The following DMD variants were observed in gnomAD, a reference collection of about 807,000 sequenced individuals.
DMD encodes mutant dystrophin.
In DMD, 63 loss-of-function variants were observed where a neutral mutation model predicts 330.1. The ratio of observed to expected loss-of-function variants is 0.19; its 90% CI spans 0.16 to 0.24. The LOEUF is 0.24. Ranked by LOEUF, DMD falls within the 10% of genes least tolerant of loss-of-function variation. The pLI is 1.00. For missense variants in DMD, 3,344 were observed against 2,684.1 expected, an observed-to-expected ratio of 1.25 and a Z score of -5.43; for synonymous variants, 1,223 against 959.8, an observed-to-expected ratio of 1.27 and a Z score of -5.07.
intron 1 of DMD, among the ~76,000 whole-genome samples, chrX:33,035,645 C>T (rs770022244): frequency 9.2e-4 from 103 of 111,712 alleles, no homozygotes; most frequent in African/African-American, 3.1e-3. Flanking sequence ...ATGCCTTAAT[C>T]GGACACATAT....
chrX:32,125,682 T>G (rs2096658405), intron 44 of DMD, among the ~76,000 whole-genome samples: 1 of 112,005 alleles, frequency 8.9e-6, no homozygotes, highest in Non-Finnish European at 1.9e-5. Flanking sequence ...CATTCCTTCT[T>G]TGGAACCTTG....
chrX:31,563,805 T>C (rs1395641777), intron 55 of DMD, among the ~76,000 whole-genome samples: 1 of 112,366 alleles, frequency 8.9e-6, no homozygotes, highest in Admixed American at 9.4e-5. Context: ...GAACAATATG[T>C]AGTCATTAAA....
chrX:32,884,986 CTG>C (rs761275957), intron 2 of DMD, among the ~76,000 whole-genome samples: 3 of 111,832 alleles, frequency 2.7e-5, no homozygotes, highest in Non-Finnish European at 5.6e-5. Flanking sequence ...TGAGAAAATG[CTG>C]TGTCTTATAA....
At chrX:32,388,307 T>C (rs1441302404) in intron 32 of DMD, among the ~76,000 whole-genome samples, 1 of 104,573 alleles carries the variant, frequency 9.6e-6, no homozygotes, top group Non-Finnish European at 1.9e-5. Flanking sequence ...CAAATATTAG[T>C]CATGAATAAG....
chrX:32,574,119 G>T (rs962744907), intron 13 of DMD, among the ~76,000 whole-genome samples: 3 of 111,664 alleles, frequency 2.7e-5, no homozygotes, highest in Non-Finnish European at 5.6e-5. Flanking sequence ...CATAGCAAAT[G>T]TAAGATAACA....
intron 48 of DMD, among the ~76,000 whole-genome samples, chrX:31,857,389 A>G (rs2093632210): frequency 1.2e-5 from 1 of 81,369 alleles, no homozygotes; most frequent in South Asian, 5.1e-4. Context: ...GGAAAAAAAA[A>G]AAAAAAAAAA....
chrX:32,870,970 A>AG (rs1569537078), intron 2 of DMD, among the ~76,000 whole-genome samples: 4 of 70,404 alleles, frequency 5.7e-5, no homozygotes, highest in Non-Finnish European at 1.1e-4. Context: ...AAAAAAAAAA[A>AG]AAAAAAAAAA....
intron 2 of DMD, among the ~76,000 whole-genome samples, chrX:33,018,964 T>A (rs2147743131): frequency 8.9e-6 from 1 of 112,247 alleles, no homozygotes; most frequent in African/African-American, 3.2e-5. Flanking sequence ...AGAAATTTGT[T>A]AATTATTCAG....
chrX:32,683,787 TA>T (rs113472494), intron 9 of DMD, among the ~76,000 whole-genome samples: 10,337 of 92,812 alleles, frequency 0.11, 1,290 homozygotes, highest in African/African-American at 0.35. Context: ...AAAAGTATAA[TA>T]AAAAAAAAAA....
At chrX:32,807,882 G>C (rs746560616) in intron 7 of DMD, among the ~76,000 whole-genome samples, 2 of 111,541 alleles carry the variant, frequency 1.8e-5, no homozygotes, top group Admixed American at 1.9e-4. Flanking sequence ...TGAAAGGATA[G>C]GACACACACA....
chrX:31,892,963 G>T (rs1852176216), intron 47 of DMD, among the ~76,000 whole-genome samples: 1 of 111,443 alleles, frequency 9.0e-6, no homozygotes, highest in Non-Finnish European at 1.9e-5. Context: ...ATTTTAATGT[G>T]GCCATTAAGA....
At chrX:31,526,211 T>A (rs979830489) in intron 55 of DMD, among the ~76,000 whole-genome samples, 1 of 112,518 alleles carries the variant, frequency 8.9e-6, no homozygotes, top group African/African-American at 3.2e-5. Context: ...ATTGTGCTTG[T>A]ATGACTGTTT....
chrX:32,125,382 T>C (rs2096656750), intron 44 of DMD, among the ~76,000 whole-genome samples: 1 of 111,857 alleles, frequency 8.9e-6, no homozygotes, highest in African/African-American at 3.3e-5. Context: ...CTTGCTTAAC[T>C]GGATAGTGTC....
At chrX:32,353,576 T>C (rs986080152) in intron 37 of DMD, among the ~76,000 whole-genome samples, 1 of 111,408 alleles carries the variant, frequency 9.0e-6, no homozygotes, top group Non-Finnish European at 1.9e-5. Context: ...AATCACACAA[T>C]GTTAGACAGT....
At chrX:32,806,973 T>C (rs1377361324) in intron 7 of DMD, among the ~76,000 whole-genome samples, 1 of 109,068 alleles carries the variant, frequency 9.2e-6, no homozygotes, top group Non-Finnish European at 1.9e-5. Flanking sequence ...CAGCACTAAA[T>C]GCCCACAGGA....
chrX:32,852,385 G>A (rs187950945), intron 2 of DMD, among the ~76,000 whole-genome samples: 160 of 111,854 alleles, frequency 1.4e-3, no homozygotes, highest in Admixed American at 2.5e-3. Flanking sequence ...ATAAGCAGCA[G>A]TAGTAGCCAG....
At chrX:33,201,219 C>T (rs2051250709) in intron 1 of DMD, among the ~76,000 whole-genome samples, 1 of 111,242 alleles carries the variant, frequency 9.0e-6, no homozygotes, top group African/African-American at 3.3e-5. Flanking sequence ...GCATGAGCCA[C>T]CGCGACCAGC....
chrX:32,399,427 C>A (rs2098069826), intron 30 of DMD, among the ~76,000 whole-genome samples: 1 of 111,515 alleles, frequency 9.0e-6, no homozygotes, highest in Admixed American at 9.6e-5. Context: ...GGCAAAATAT[C>A]TGAATAGACT....
intron 13 of DMD, among the ~76,000 whole-genome samples, chrX:32,578,737 G>C (rs1403959171): frequency 9.0e-6 from 1 of 111,662 alleles, no homozygotes; most frequent in African/African-American, 3.3e-5. Context: ...GTGCCCATCA[G>C]TATTGGCGTT....
Sources: allele counts gnomAD v4.1 joint callset (sites outside exome capture counted in the v4.1 genomes callset), GRCh38; gene constraint gnomAD v4.1.1; transcripts MANE v1.5; gene names NCBI Gene and HGNC (gene_info 2026-07-23, HGNC 2026-07-21).